Variants in ANO3 observed in about 807,000 individuals in gnomAD.
ANO3 encodes the protein anoctamin-3.
A neutral mutation model predicts 144.8 loss-of-function variants in ANO3; 99 were observed. The observed-to-expected ratio is 0.68, with a 90% confidence interval of 0.58 to 0.81. The LOEUF (loss-of-function observed/expected upper bound fraction) is 0.81. ANO3 is among the 30% of genes least tolerant of loss of function. The pLI is 0.00. For missense variants in ANO3, 905 were observed against 1,202.2 expected, an observed-to-expected ratio of 0.75 and a Z score of 3.66; for synonymous variants, 414 against 392.6, an observed-to-expected ratio of 1.05 and a Z score of -0.64.
intron 3 of ANO3, among the ~76,000 whole-genome samples, chr11:26,456,789 G>A (rs868134950): frequency 4.3e-4 from 57 of 131,728 alleles, no homozygotes; most frequent in Middle Eastern, 6.9e-3. Context: ...TGTTTATTGC[G>A]GCACTATTCA....
chr11:26,379,081 T>C (rs1434109485), intron 1 of ANO3, among the ~76,000 whole-genome samples: 1 of 151,278 alleles, frequency 6.6e-6, no homozygotes, highest in African/African-American at 2.4e-5. Context: ...AAAGCATCCC[T>C]GAAGAAGTAA....
chr11:26,199,612 T>C (rs1188842479), intron 1 of ANO3, among the ~76,000 whole-genome samples: 1 of 152,204 alleles, frequency 6.6e-6, no homozygotes, highest in African/African-American at 2.4e-5. Flanking sequence ...AAACTGGCTA[T>C]GGAAGTTGTT....
At chr11:26,486,394 C>T (rs75034256) in intron 4 of ANO3, among the ~76,000 whole-genome samples, 55 of 148,802 alleles carry the variant, frequency 3.7e-4, no homozygotes, top group African/African-American at 1.3e-3. Flanking sequence ...GTCAAAATAC[C>T]TAAAAATATA....
At chr11:26,531,841 A>C (rs11029598) in intron 8 of ANO3, among the ~76,000 whole-genome samples, 46 of 152,178 alleles carry the variant, frequency 3.0e-4, no homozygotes, top group African/African-American at 1.1e-3. Context: ...ACCTACCTAC[A>C]TACATACCTG....
intron 14 of ANO3, chr11:26,567,014 G>T: frequency 7.0e-7 from 1 of 1,426,998 alleles, no homozygotes; most frequent in Non-Finnish European, 9.3e-7. Flanking sequence ...TGTCTTTTTG[G>T]TTACAAAGTT....
At chr11:26,453,048 C>G (rs1859008071) in intron 3 of ANO3, among the ~76,000 whole-genome samples, 1 of 151,662 alleles carries the variant, frequency 6.6e-6, no homozygotes, top group Non-Finnish European at 1.5e-5. Context: ...TTGTCACCAC[C>G]AGGCCTGCCC....
chr11:26,601,917 T>C (rs1044925126), intron 17 of ANO3, among the ~76,000 whole-genome samples: 2 of 152,212 alleles, frequency 1.3e-5, no homozygotes, highest in Non-Finnish European at 2.9e-5. Flanking sequence ...CTGGTCATAG[T>C]TCTGCTACCC....
chr11:26,561,159 G>A (rs779278615), intron 14 of ANO3: 2 of 1,612,548 alleles, frequency 1.2e-6, no homozygotes, highest in South Asian at 1.1e-5. Flanking sequence ...ATTCAAAGTT[G>A]GATTGTAGTA....
chr11:26,510,868 G>C (rs1189582788), intron 5 of ANO3, among the ~76,000 whole-genome samples: 2 of 152,086 alleles, frequency 1.3e-5, no homozygotes, highest in African/African-American at 4.8e-5. Flanking sequence ...TCCAAAAAGG[G>C]TCCTGTTCCG....
At chr11:26,574,663 T>C (rs915185934) in intron 14 of ANO3, among the ~76,000 whole-genome samples, 1 of 152,156 alleles carries the variant, frequency 6.6e-6, no homozygotes, top group African/African-American at 2.4e-5. Flanking sequence ...AACATTTAAT[T>C]TATTTCAATA....
chr11:26,479,012 A>G (rs887392477), intron 4 of ANO3, among the ~76,000 whole-genome samples: 1 of 152,190 alleles, frequency 6.6e-6, no homozygotes, highest in African/African-American at 2.4e-5. Flanking sequence ...AAAGTTTTTC[A>G]AGAGTAAGAA....
intron 17 of ANO3, 57 bp from the exon 18 acceptor site, chr11:26,624,405 A>G (rs908463972): frequency 7.9e-7 from 1 of 1,261,088 alleles, no homozygotes; most frequent in African/African-American, 1.5e-5. Flanking sequence ...TAGTGTAAAT[A>G]CCAGCCTTTT....
At chr11:26,392,239 C>CTT (rs33986969) in intron 1 of ANO3, among the ~76,000 whole-genome samples, 38,889 of 130,448 alleles carry the variant, frequency 0.3, 5,859 homozygotes, top group South Asian at 0.35. Flanking sequence ...GAATTCCTGC[C>CTT]TTTTTTTTTT....
chr11:26,214,505 A>C (rs1238739703), intron 1 of ANO3, among the ~76,000 whole-genome samples: 1 of 152,038 alleles, frequency 6.6e-6, no homozygotes, highest in African/African-American at 2.4e-5. Context: ...GGCTGAATTC[A>C]GATCCCCAAT....
intron 1 of ANO3, among the ~76,000 whole-genome samples, chr11:26,332,609 G>A (rs781357082): frequency 1.3e-5 from 2 of 151,918 alleles, no homozygotes; most frequent in Non-Finnish European, 2.9e-5. Context: ...AACCCGCTTA[G>A]TAGGGATTGT....
At chr11:26,657,668 T>A (rs1244109314) in intron 26 of ANO3, among the ~76,000 whole-genome samples, 1 of 127,384 alleles carries the variant, frequency 7.9e-6, no homozygotes. Context: ...CTTGCACATG[T>A]GTTTGTTTAC....
In ANO3 at chr11:26,599,010, G is replaced by A; in HGVS notation, c.1671+12G>A. 1 of 1,610,546 alleles carries A rather than the reference G, an allele frequency of 6.2e-7. No individual in the cohort carries two copies. Among genetic ancestry groups the A allele is most frequent in the Non-Finnish European group, 8.5e-7 (1 of 1,179,082 alleles). ...GAATATTCTTCATGGTAAAGTATAG[G>A]CATCGATATCAAAATGTTTTGGGAT... is the stretch of plus-strand genomic sequence containing the variant. On this transcript the variant is annotated intron_variant, in intron 16 of 26. Transcript: ENST00000256737.
chr11:26,496,043 G>T (rs1289751862), intron 4 of ANO3, among the ~76,000 whole-genome samples: 1 of 152,158 alleles, frequency 6.6e-6, no homozygotes, highest in Non-Finnish European at 1.5e-5. Context: ...GAAAATAGTA[G>T]GCTTTGACCA....
At chr11:26,289,952 G>A (rs953394346) in intron 1 of ANO3, among the ~76,000 whole-genome samples, 38 of 152,012 alleles carry the variant, frequency 2.5e-4, no homozygotes, top group African/African-American at 8.9e-4. Context: ...AGTTAGGGAG[G>A]ATTCCCTCTT....
Sources: gnomAD v4.1 joint callset for allele counts (sites outside exome capture counted in the v4.1 genomes callset) on GRCh38, gnomAD v4.1.1 for gene constraint, MANE v1.5 for transcripts, NCBI Gene and HGNC (gene_info 2026-07-23, HGNC 2026-07-21) for gene names.